Variants in CCDC30 observed in about 807,000 individuals in gnomAD.
The protein encoded by CCDC30 is coiled-coil domain containing 30, also known as coiled-coil domain-containing protein 30.
Under a neutral mutation model 100.2 loss-of-function variants are expected in CCDC30, and 70 were observed. That is an observed-to-expected ratio of 0.70 (90% CI 0.58 to 0.85). The LOEUF (loss-of-function observed/expected upper bound fraction) is 0.85, where lower values mean the gene tolerates loss of function less well. Ranked by LOEUF, CCDC30 falls within the 40% of genes least tolerant of loss-of-function variation. The pLI is 0.00. For missense variants in CCDC30, 652 were observed against 771.2 expected (o/e 0.85, Z 1.83); for synonymous variants, 233 against 269.5 (o/e 0.86, Z 1.33).
chr1:42,579,724 T>C (rs1645922571), intron 8 of CCDC30, among the ~76,000 whole-genome samples: 1 of 148,252 alleles, frequency 6.7e-6, no homozygotes, highest in Admixed American at 6.7e-5. Flanking sequence ...ACTATTAGCA[T>C]GGTGGCTCAT....
chr1:42,466,121 G>GTATTCTT, intron 1 of CCDC30, among the ~76,000 whole-genome samples: 1 of 152,292 alleles, frequency 6.6e-6, no homozygotes, highest in East Asian at 1.9e-4. Flanking sequence ...TGTGTGAAAG[G>GTATTCTT]AGTGGAAAAT....
At chr1:42,642,247 ATAT>A (rs1437762307) in intron 12 of CCDC30, among the ~76,000 whole-genome samples, 8 of 143,160 alleles carry the variant, frequency 5.6e-5, no homozygotes, top group African/African-American at 2.2e-4. Flanking sequence ...AAACAAAAAA[ATAT>A]ATATATATAT....
At chr1:42,615,120 G>A (rs990439674) in intron 11 of CCDC30, among the ~76,000 whole-genome samples, 2 of 152,110 alleles carry the variant, frequency 1.3e-5, no homozygotes, top group Admixed American at 1.3e-4. Flanking sequence ...GGTTTTTAAG[G>A]ATTTTGGATT....
At chr1:42,655,804 C>T (rs184906282), downstream of CCDC30, among the ~76,000 whole-genome samples, 1 of 150,540 alleles carries the variant, frequency 6.6e-6, no homozygotes, top group Non-Finnish European at 1.5e-5. Context: ...TGCTCAGTAT[C>T]TCTGAGGATG....
chr1:42,618,926 T>C (rs1174854634), intron 11 of CCDC30, among the ~76,000 whole-genome samples: 3 of 152,206 alleles, frequency 2.0e-5, no homozygotes, highest in African/African-American at 7.2e-5. Context: ...CTTACTTACA[T>C]GGCCTCATTT....
At chr1:42,655,340 G>A (rs1052669320), downstream of CCDC30, among the ~76,000 whole-genome samples, 2 of 152,000 alleles carry the variant, frequency 1.3e-5, no homozygotes, top group Non-Finnish European at 2.9e-5. Flanking sequence ...TCAGGAGTTC[G>A]AGACCAGCTT....
chr1:42,467,073 A>C (rs1487657673), intron 1 of CCDC30, among the ~76,000 whole-genome samples: 1 of 152,214 alleles, frequency 6.6e-6, no homozygotes, highest in African/African-American at 2.4e-5. Context: ...TGGAAATATA[A>C]GCAGCATGAT....
At chr1:42,580,305 C>A (rs2148590621) in intron 8 of CCDC30, among the ~76,000 whole-genome samples, 1 of 152,314 alleles carries the variant, frequency 6.6e-6, no homozygotes, top group African/African-American at 2.4e-5. Flanking sequence ...TCTTCTCTCT[C>A]ATGCTGTGTG....
chr1:42,513,891 G>T (rs1557817862), intron 6 of CCDC30, among the ~76,000 whole-genome samples: 1 of 152,174 alleles, frequency 6.6e-6, no homozygotes, highest in Non-Finnish European at 1.5e-5. Flanking sequence ...ATGGCTGAAG[G>T]CAAAGAAGTA....
intron 6 of CCDC30, among the ~76,000 whole-genome samples, chr1:42,549,685 C>G (rs72659977): frequency 0.12 from 18,818 of 152,172 alleles, 1,390 homozygotes; most frequent in East Asian, 0.17. Context: ...TAGGTACTCA[C>G]AAAATATTTG....
intron 6 of CCDC30, among the ~76,000 whole-genome samples, chr1:42,539,725 A>C (rs963165604): frequency 6.6e-6 from 1 of 152,176 alleles, no homozygotes; most frequent in Admixed American, 6.5e-5. Flanking sequence ...TCTCAGTTAC[A>C]CTGAAAATTG....
At chr1:42,578,379 G>A (rs1317884882) in intron 8 of CCDC30, among the ~76,000 whole-genome samples, 4 of 152,140 alleles carry the variant, frequency 2.6e-5, no homozygotes, top group Non-Finnish European at 1.5e-5. Flanking sequence ...AACTGAAGGG[G>A]GCACTAGGGA....
rs565755092 is a variant in CCDC30 at position 42,503,083 on chromosome 1, C to T, written c.456+4167C>T. On this transcript the variant is annotated intron_variant, in intron 6 of 16. Transcript: ENST00000668663. ...ATTTTTTAGTAAAGACAAGGTCTGG[C>T]TATGTCACCCAGGCTAGTTTCAAAC... is the stretch of plus-strand genomic sequence containing the variant. Among the ~76,000 whole-genome samples the T allele has an allele frequency of 7.2e-5, 11 of 152,242 alleles. No individual in the cohort carries two copies. The South Asian group carries it at 2.3e-3, about 32-fold the overall frequency.
intron 11 of CCDC30, among the ~76,000 whole-genome samples, chr1:42,622,090 C>T (rs569788224): frequency 6.6e-6 from 1 of 152,204 alleles, no homozygotes; most frequent in South Asian, 2.1e-4. Context: ...AATTTCCCCA[C>T]TACTCTTCCC....
intron 11 of CCDC30, among the ~76,000 whole-genome samples, chr1:42,611,442 AT>A (rs1402625233): frequency 2.0e-5 from 3 of 151,580 alleles, no homozygotes; most frequent in Non-Finnish European, 1.5e-5. Flanking sequence ...GAGCTTTTTT[AT>A]TTTTTATTTT....
chr1:42,492,008 TG>T, intron 4 of CCDC30: 1 of 663,920 alleles, frequency 1.5e-6, no homozygotes, highest in South Asian at 1.9e-5. Context: ...TTGCTGAAGA[TG>T]TTCAGGAAAA....
chr1:42,523,149 G>C (rs1036029115), intron 6 of CCDC30, among the ~76,000 whole-genome samples: 1 of 152,132 alleles, frequency 6.6e-6, no homozygotes, highest in African/African-American at 2.4e-5. Context: ...TTTTATAATA[G>C]CCGGTGTATT....
intron 4 of CCDC30, among the ~76,000 whole-genome samples, chr1:42,496,598 A>G (rs1644236516): frequency 6.6e-6 from 1 of 152,120 alleles, no homozygotes; most frequent in African/African-American, 2.4e-5. Context: ...CAAAAAGCCT[A>G]TGTTCCATTT....
At chr1:42,510,154 A>G in intron 6 of CCDC30, 1 of 966,638 alleles carries the variant, frequency 1.0e-6, no homozygotes. Context: ...TAGGGTTGTC[A>G]ATAAGTACTG....
Sources: allele counts gnomAD v4.1 joint callset (sites outside exome capture counted in the v4.1 genomes callset), GRCh38; gene constraint gnomAD v4.1.1; transcripts MANE v1.5; gene names NCBI Gene and HGNC (gene_info 2026-07-23, HGNC 2026-07-21).